The following CHST7 variants were observed in gnomAD, a reference collection of about 807,000 sequenced individuals.
The protein encoded by CHST7 is carbohydrate sulfotransferase 7.
CHST7 carries 5 observed loss-of-function variants against 9.0 expected under a neutral mutation model. The ratio of observed to expected loss-of-function variants is 0.56; its 90% confidence interval spans 0.29 to 1.17. The LOEUF (loss-of-function observed/expected upper bound fraction) is 1.17, where lower values mean the gene tolerates loss of function less well. Among genes scored for constraint, CHST7 ranks in the 50% most tolerant of loss-of-function variants. The probability of loss-of-function intolerance (pLI) is 0.08; values close to 1 mark genes in which losing one functional copy is unlikely to be tolerated. For missense variants in CHST7, 377 were observed against 485.1 expected, an observed-to-expected ratio of 0.78 and a Z score of 2.09; for synonymous variants, 244 against 237.1, an observed-to-expected ratio of 1.03 and a Z score of -0.27.
intron 1 of CHST7, among the ~76,000 whole-genome samples, chrX:46,579,787 C>T (rs1206045761): frequency 9.0e-6 from 1 of 110,938 alleles, no homozygotes; most frequent in Non-Finnish European, 1.9e-5. Context: ...GAGTTCAAGA[C>T]CAGCTTAGGC....
intron 1 of CHST7, among the ~76,000 whole-genome samples, chrX:46,589,247 C>T (rs971054557): frequency 9.0e-6 from 1 of 111,316 alleles, no homozygotes; most frequent in African/African-American, 3.3e-5. Flanking sequence ...AGTTGGGATC[C>T]GGATTAAGAG....
chrX:46,588,985 G>A (rs1942561729), intron 1 of CHST7, among the ~76,000 whole-genome samples: 1 of 111,627 alleles, frequency 9.0e-6, no homozygotes, highest in Non-Finnish European at 1.9e-5. Context: ...ATTGTTTCAG[G>A]TGAGACAGAG....
intron 1 of CHST7, among the ~76,000 whole-genome samples, chrX:46,584,594 T>C (rs1379950781): frequency 3.8e-5 from 4 of 106,077 alleles, no homozygotes; most frequent in African/African-American, 1.4e-4. Context: ...TCTGGGCCAG[T>C]AGGCCAGTAA....
chrX:46,573,883 G>C lies in CHST7; in HGVS notation c.-49G>C. On this transcript the variant is annotated 5_prime_UTR_variant, in exon 1 of 2. Transcript: ENST00000276055. ...AGCGGACCTGGCACGGGATTTCTGA[G>C]GAACGGGAGAAGACTGGCGCCCGAC... 8.7e-7 allele frequency: 1 copy of C among 1,152,586 alleles called. No individual in the cohort carries two copies. The highest frequency in any genetic ancestry group is 1.1e-6 in the Non-Finnish European group (1 of 871,525). The allele number at this position is 1,152,586 out of a possible 1,213,427, so 95.0% of individuals were successfully genotyped here. A position where few individuals can be genotyped will look rare whatever the true frequency, so the allele number is the denominator to read the frequency against.
chrX:46,588,347 A>G (rs994140868), intron 1 of CHST7, among the ~76,000 whole-genome samples: 1 of 111,741 alleles, frequency 8.9e-6, no homozygotes, highest in Non-Finnish European at 1.9e-5. Context: ...AGAGAGGCAG[A>G]GCCTGTTGCA....
chrX:46,580,434 C>T (rs1171788322), intron 1 of CHST7, among the ~76,000 whole-genome samples: 1 of 111,719 alleles, frequency 9.0e-6, no homozygotes, highest in African/African-American at 3.3e-5. Flanking sequence ...CTCCTAATAG[C>T]ATATCAACCT....
intron 1 of CHST7, among the ~76,000 whole-genome samples, chrX:46,588,980 T>C (rs1942561704): frequency 8.9e-6 from 1 of 111,975 alleles, no homozygotes; most frequent in South Asian, 3.7e-4. Flanking sequence ...CTATGATTGT[T>C]TCAGGTGAGA....
At chrX:46,579,720 C>T (rs188342079) in intron 1 of CHST7, among the ~76,000 whole-genome samples, 15 of 112,138 alleles carry the variant, frequency 1.3e-4, no homozygotes, top group African/African-American at 4.9e-4. Flanking sequence ...TGCAGTAGCT[C>T]ACACCTATAA....
intron 1 of CHST7, among the ~76,000 whole-genome samples, chrX:46,589,774 G>A (rs1462309567): frequency 9.0e-6 from 1 of 111,387 alleles, no homozygotes; most frequent in Non-Finnish European, 1.9e-5. Context: ...AGATATATAA[G>A]CATCCTTGAC....
At chrX:46,577,550 G>A (rs953407662) in intron 1 of CHST7, among the ~76,000 whole-genome samples, 8 of 111,414 alleles carry the variant, frequency 7.2e-5, no homozygotes, top group Non-Finnish European at 1.5e-4. Flanking sequence ...CTTACTGAAG[G>A]GCTATGTGTC....
Position 46,574,732 on chromosome X carries a change from A to G in CHST7, c.801A>G (p.Pro267=). ...TGCTGGTGCCCCTGTTGCGTGATCC[A>G]GGCCTCAACCTGAAGGTGGTGCAGC... ...LGVLVPLLRD[P]GLNLKVVQLF... is the part of the protein sequence containing the mutation. The change falls in exon 1 of 2, where the codon CCA becomes CCG. Residue 267 remains proline (P), a synonymous_variant. Transcript: ENST00000276055. 8.3e-7 allele frequency: 1 copy of G among 1,209,524 alleles called. No individual in the cohort carries two copies. The highest frequency in any genetic ancestry group is 1.8e-5 in the South Asian group (1 of 56,371).
At chrX:46,596,627 A>G in intron 1 of CHST7, among the ~76,000 whole-genome samples, 1 of 110,162 alleles carries the variant, frequency 9.1e-6, no homozygotes, top group African/African-American at 3.3e-5. Flanking sequence ...TTCATGAAAC[A>G]TGTGTACTAG....
intron 1 of CHST7, among the ~76,000 whole-genome samples, chrX:46,581,183 T>C (rs1942522612): frequency 9.6e-6 from 1 of 104,216 alleles, no homozygotes; most frequent in South Asian, 4.3e-4. Context: ...TGAAGTGAGC[T>C]GAGATTGCAC....
rs902654136 is a variant in CHST7, at chrX:46,583,119, C to CA, written c.*31+7704dup. On this transcript the variant is annotated intron_variant, in intron 1 of 1. Coordinates refer to ENST00000276055, the MANE Select transcript of CHST7 (RefSeq NM_019886.4). ...ATGAGCAGGCCAGAAAAGAATGAAA[C>CA]AAAAAAAACTAAACTGGCCTCACTT... 6.3e-5 allele frequency among the ~76,000 whole-genome samples: 7 copies of CA among 110,651 alleles called. No homozygotes were observed. In the East Asian group the frequency reaches 1.1e-3, roughly 18 times the overall value.
chrX:46,582,572 T>C (rs1474103661), intron 1 of CHST7, among the ~76,000 whole-genome samples: 1 of 112,226 alleles, frequency 8.9e-6, no homozygotes. Flanking sequence ...CAAAATGAAA[T>C]CAACTTCTTA....
chrX:46,580,542 A>G (rs1384544489), intron 1 of CHST7, among the ~76,000 whole-genome samples: 1 of 111,541 alleles, frequency 9.0e-6, no homozygotes, highest in East Asian at 2.8e-4. Flanking sequence ...CAGGGCTGCA[A>G]TGAGGTGTGA....
chrX:46,588,738 T>A (rs1324940715), intron 1 of CHST7, among the ~76,000 whole-genome samples: 7 of 111,775 alleles, frequency 6.3e-5, no homozygotes, highest in Non-Finnish European at 1.3e-4. Flanking sequence ...GCTTTTTTTT[T>A]AAAGTGAAAG....
chrX:46,573,947 C>T lies in CHST7; in HGVS notation c.16C>T (p.Arg6Trp). ...TCGGTGAACGATGAAGGGCCGGCGG[C>T]GGCGACGCCGAGAGTACTGCAAGTT... is the stretch of plus-strand genomic sequence containing the variant. MKGRR[R>W]RRREYCKFAL... The change falls in exon 1 of 2, where the codon CGG (arginine) becomes TGG (tryptophan). Residue 6 changes from arginine to tryptophan, a missense_variant. This residue lies in a region of CHST7 where 239 missense variants were observed against 325.7 expected (regional missense o/e 0.73). Transcript: ENST00000276055. 8.7e-7 allele frequency: 1 copy of T among 1,154,683 alleles called. No homozygotes were observed. The highest frequency in any genetic ancestry group is 1.1e-6 in the Non-Finnish European group (1 of 872,508).
rs1351146983 is a variant in CHST7 at position 46,597,992 on chromosome X, A to AAAT, written c.*266_*268dup. Reference sequence around the variant, plus strand: ...TGCAATGTGGATATTTATGGCTGTAAAATAGGAAGAGCTTTAGTTCCCAGG... The same window carrying AAAT: ...TGCAATGTGGATATTTATGGCTGTAAAATAATAGGAAGAGCTTTAGTTCCCAGG... On this transcript the variant is annotated 3_prime_UTR_variant, in exon 2 of 2. Transcript: ENST00000276055. 8.9e-6 allele frequency: 1 copy of AAAT among 112,678 alleles called. No individual in the cohort carries two copies. Among genetic ancestry groups the AAAT allele is most frequent in the African/African-American group, 3.2e-5 (1 of 30,935 alleles). The allele number at this position is 112,678 out of a possible 1,213,427, so 9.3% of individuals were successfully genotyped here.
Sources: allele counts gnomAD v4.1 joint callset (sites outside exome capture counted in the v4.1 genomes callset), GRCh38; gene constraint gnomAD v4.1.1; regional missense constraint gnomAD v4.1.1; transcripts MANE v1.5; gene names NCBI Gene and HGNC (gene_info 2026-07-23, HGNC 2026-07-21).